The following KIAA1614 variants were observed in gnomAD, a reference collection of about 807,000 sequenced individuals.
KIAA1614 encodes the protein uncharacterized protein KIAA1614.
In KIAA1614, 76 loss-of-function variants were observed where a neutral mutation model predicts 88.7. That is an observed-to-expected ratio of 0.86 (90% confidence interval 0.71 to 1.04). The LOEUF is 1.04. Among genes scored for constraint, KIAA1614 ranks in the 50% least tolerant of loss-of-function variants. The probability of loss-of-function intolerance (pLI) is 0.00; values close to 1 mark genes in which losing one functional copy is unlikely to be tolerated. For missense variants in KIAA1614, 1,553 were observed against 1,582.5 expected (o/e 0.98, Z 0.32); for synonymous variants, 714 against 675.5 (o/e 1.06, Z -0.88).
chr1:180,920,717 T>TA (rs1229216806), intron 3 of KIAA1614, among the ~76,000 whole-genome samples: 1 of 49,486 alleles, frequency 2.0e-5, no homozygotes, highest in Non-Finnish European at 4.1e-5. Flanking sequence ...GGGGGCGGGC[T>TA]GGGGGCGGGC....
chr1:180,950,471 C>T lies in KIAA1614; in HGVS notation c.*4883C>T. ...GCTGGGCTTGGCTCACATTAAGGAG[C>T]TCCTGGCCCACTCAGAGAGCTTGTC... is the stretch of plus-strand genomic sequence containing the variant. On this transcript the variant is annotated 3_prime_UTR_variant, in exon 9 of 9. Transcript: ENST00000367588. 8.6e-7 allele frequency: 1 copy of T among 1,157,426 alleles called. No homozygotes were observed. The highest frequency in any genetic ancestry group is 1.1e-6 in the Non-Finnish European group (1 of 922,202). 71.7% of individuals were successfully genotyped at this position (1,157,426 alleles called of 1,614,324 possible). A position where few individuals can be genotyped will look rare whatever the true frequency, so the allele number is the denominator to read the frequency against.
Position 180,916,938 on chromosome 1 carries a change from G to A in KIAA1614, c.835G>A (p.Gly279Arg). The change falls in exon 2 of 9, where the codon GGA becomes AGA. Residue 279 changes from glycine (G) to arginine (R), a missense_variant. Transcript: ENST00000367588. ...CCTGCTGGGTGAGCGCTGGAGAGCT[G>A]GAGACCTGGAGGCTCTGGGCGCTGG... ...TALLGERWRA[G>R]DLEALGAGSS... 1 of 1,614,238 alleles carries A rather than the reference G, an allele frequency of 6.2e-7. No individual in the cohort carries two copies. The highest frequency in any genetic ancestry group is 8.5e-7 in the Non-Finnish European group (1 of 1,180,052).
Position 180,948,121 on chromosome 1 carries a change from C to G in KIAA1614, c.*2533C>G, listed in dbSNP as rs1654637565. On this transcript the variant is annotated 3_prime_UTR_variant, in exon 9 of 9. Transcript: ENST00000367588. ...GCCAGCTCCCCGTTGTGCCCAGGCACTCCCTGGTCCTGCTGCCATCATGGG... is the reference window on the plus strand; with the variant it reads ...GCCAGCTCCCCGTTGTGCCCAGGCAGTCCCTGGTCCTGCTGCCATCATGGG... 6.6e-6 allele frequency: 1 copy of G among 152,282 alleles called. No homozygotes were observed. Among genetic ancestry groups the G allele is most frequent in the Non-Finnish European group, 1.5e-5 (1 of 68,066 alleles). 9.4% of individuals were successfully genotyped at this position (152,282 alleles called of 1,614,324 possible). A position where few individuals can be genotyped will look rare whatever the true frequency, so the allele number is the denominator to read the frequency against.
In KIAA1614 at chr1:180,936,484, C is replaced by A. The variant is rs566867012; in HGVS notation, c.2575C>A (p.Pro859Thr). 6.2e-7 allele frequency: 1 copy of A among 1,613,786 alleles called. No homozygotes were observed. The highest frequency in any genetic ancestry group is 1.7e-5 in the Admixed American group (1 of 59,974). Residue 859 changes from proline to threonine, a missense_variant, in exon 5 of 9, where the codon CCA becomes ACA. Pro to Thr is a conservative substitution (Grantham distance 38, BLOSUM62 -1). Transcript: ENST00000367588. ...GGTTCTCAGGACCTGTGAGCTGCCCCCATCACAGACCCAGCCCAGCCGCCC... is the reference window on the plus strand; with the variant it reads ...GGTTCTCAGGACCTGTGAGCTGCCCACATCACAGACCCAGCCCAGCCGCCC... ...SAVLRTCELP[P>T]SQTQPSRPQV... is the part of the protein sequence containing the mutation.
chr1:180,928,181 G>A (rs903215365), intron 3 of KIAA1614: 9 of 411,704 alleles, frequency 2.2e-5, no homozygotes, highest in African/African-American at 1.6e-4. Context: ...CAGTGCCTGA[G>A]CAGATGTCCA....
chr1:180,916,134 C>G lies in KIAA1614; in HGVS notation c.51-20C>G, dbSNP rs1195704269. Reference sequence around the variant, plus strand: ...AGTCCTGTGCTGGGTCTTAGGAACTCTGTCTGTTTTCTCCTCCAGAGGGCC... The same window carrying G: ...AGTCCTGTGCTGGGTCTTAGGAACTGTGTCTGTTTTCTCCTCCAGAGGGCC... On this transcript the variant is annotated intron_variant, in intron 1 of 8. Transcript: ENST00000367588. 1.3e-6 allele frequency: 2 copies of G among 1,525,956 alleles called. No individual in the cohort carries two copies. Among genetic ancestry groups the G allele is most frequent in the Non-Finnish European group, 1.8e-6 (2 of 1,137,668 alleles). 94.5% of individuals were successfully genotyped at this position (1,525,956 alleles called of 1,614,324 possible).
chr1:180,941,287 T>G lies in KIAA1614; in HGVS notation c.3159+2T>G. Reference sequence around the variant, plus strand: ...CCATCGTTACAATCCCTGCACCCGGTGAGTCCAGGGGCCCCAGCCCAGGGA... The same window carrying G: ...CCATCGTTACAATCCCTGCACCCGGGGAGTCCAGGGGCCCCAGCCCAGGGA... On this transcript the variant is annotated splice_donor_variant, in intron 7 of 8. Coordinates refer to ENST00000367588, the MANE Select transcript of KIAA1614 (RefSeq NM_020950.2). LOFTEE classifies it high-confidence loss of function. The G allele has an allele frequency of 6.2e-7, 1 of 1,605,026 alleles. No homozygotes were observed. The highest frequency in any genetic ancestry group is 8.5e-7 in the Non-Finnish European group (1 of 1,173,592).
At chr1:180,938,532 G>T in intron 5 of KIAA1614, 23 bp from the exon 6 acceptor site, 1 of 1,612,238 alleles carries the variant, frequency 6.2e-7, no homozygotes, top group Non-Finnish European at 8.5e-7. Flanking sequence ...TCTGACTCAG[G>T]TGGGATGCTG....
Position 180,950,196 on chromosome 1 carries a change from T to C in KIAA1614, c.*4608T>C. ...TGGAATAATGAGGGGTGTGTGTATGTGTGCATGCGCACAGAGAAGTGCCTG... is the reference window on the plus strand; with the variant it reads ...TGGAATAATGAGGGGTGTGTGTATGCGTGCATGCGCACAGAGAAGTGCCTG... On this transcript the variant is annotated 3_prime_UTR_variant, in exon 9 of 9. Transcript: ENST00000367588. 1 of 316,202 alleles carries C rather than the reference T, an allele frequency of 3.2e-6. No individual in the cohort carries two copies. The highest frequency in any genetic ancestry group is 5.4e-6 in the Non-Finnish European group (1 of 184,876). 19.6% of individuals were successfully genotyped at this position (316,202 alleles called of 1,614,324 possible).
rs752934576 is a variant in KIAA1614, at chr1:180,935,715, C to T, written c.1806C>T (p.Thr602=). ...TCCGGGAAACACACATCGGAGACAC[C>T]GTGTGCCCTGCGGAGGTGGACTCTG... The part of the protein sequence containing the change: ...EWIRETHIGD[T]VCPAEVDSAL... Residue 602 remains threonine, a synonymous_variant, in exon 5 of 9, where the codon ACC becomes ACT. Coordinates refer to ENST00000367588, the MANE Select transcript of KIAA1614 (RefSeq NM_020950.2). The surrounding 1 kb of genome is among the most constrained non-coding windows in gnomAD (Gnocchi z 6.1). 3.7e-6 allele frequency: 6 copies of T among 1,613,642 alleles called. No homozygotes were observed. The Admixed American group carries it at 5.0e-5, about 13-fold the overall frequency.
chr1:180,944,151 AGTT>A (rs962043258), intron 7 of KIAA1614: 2 of 334,356 alleles, frequency 6.0e-6, no homozygotes, highest in Admixed American at 4.3e-5. Flanking sequence ...ATAGCACTAA[AGTT>A]GTTATTTCAG....
Position 180,936,136 on chromosome 1 carries a change from T to G in KIAA1614, c.2227T>G (p.Cys743Gly), listed in dbSNP as rs1305996144. The stretch of plus-strand genomic sequence containing the variant: ...TCACCCTTTGGATTCCCGGACTCCA[T>G]GCAGGACAGCCTATGCCACCACCGC... ...QPHPLDSRTP[C>G]RTAYATTAPM... The change falls in exon 5 of 9, where the codon TGC becomes GGC. Residue 743 changes from cysteine (C) to glycine (G), a missense_variant. Coordinates refer to ENST00000367588, the MANE Select transcript of KIAA1614 (RefSeq NM_020950.2). 2.5e-6 allele frequency: 4 copies of G among 1,614,120 alleles called. No homozygotes were observed. Among genetic ancestry groups the G allele is most frequent in the Non-Finnish European group, 3.4e-6 (4 of 1,179,996 alleles).
Position 180,935,428 on chromosome 1 carries a change from G to A in KIAA1614, c.1519G>A (p.Ala507Thr). Residue 507 changes from alanine (A) to threonine (T), a missense_variant, in exon 5 of 9, where the codon GCG (alanine) becomes ACG (threonine). Coordinates refer to ENST00000367588, the MANE Select transcript of KIAA1614 (RefSeq NM_020950.2). The surrounding 1 kb of genome is among the most constrained non-coding windows in gnomAD (Gnocchi z 6.1). ...YINGAPRLRD[A>T]GQGTFHRLVG... ...CAACGGGGCTCCCCGGCTCCGGGAC[G>A]CGGGGCAGGGGACATTCCACAGGCT... 6.8e-7 allele frequency: 1 copy of A among 1,471,340 alleles called. No homozygotes were observed. Among genetic ancestry groups the A allele is most frequent in the Non-Finnish European group, 8.9e-7 (1 of 1,117,796 alleles). 91.1% of individuals were successfully genotyped at this position (1,471,340 alleles called of 1,614,324 possible). A position where few individuals can be genotyped will look rare whatever the true frequency, so the allele number is the denominator to read the frequency against.
chr1:180,926,962 A>G (rs1483374550), intron 3 of KIAA1614, among the ~76,000 whole-genome samples: 2 of 152,360 alleles, frequency 1.3e-5, no homozygotes, highest in Non-Finnish European at 2.9e-5. Context: ...TCACAGGCAC[A>G]GATGGTGCCT....
intron 6 of KIAA1614, 23 bp from the exon 7 acceptor site, chr1:180,941,022 T>A: frequency 7.0e-5 from 9 of 128,450 alleles, no homozygotes; most frequent in East Asian, 2.1e-4. Context: ...CCCCGCCCCC[T>A]CACCTCCACC....
At chr1:180,941,000 C>CAA in intron 6 of KIAA1614, 45 bp from the exon 7 acceptor site, 1 of 1,010,158 alleles carries the variant, frequency 9.9e-7, no homozygotes, top group Non-Finnish European at 1.4e-6. Context: ...CCTGGCCACC[C>CAA]TCCCGGCCCT....
chr1:180,916,165 C>T lies in KIAA1614; in HGVS notation c.62C>T (p.Thr21Ile). 1 of 1,563,038 alleles carries T rather than the reference C, an allele frequency of 6.4e-7. No homozygotes were observed. The part of the protein sequence containing the change: ...PAGGSPQGPK[T>I]GSGTASPVEG... ...GTTTTCTCCTCCAGAGGGCCCAAGA[C>T]AGGGAGTGGAACAGCCAGCCCCGTG... Residue 21 changes from threonine to isoleucine, a missense_variant, in exon 2 of 9, where the codon ACA becomes ATA. Thr to Ile is a moderately conservative substitution (Grantham distance 89). Coordinates refer to ENST00000367588, the MANE Select transcript of KIAA1614 (RefSeq NM_020950.2).
Position 180,917,089 on chromosome 1 carries a change from C to G in KIAA1614, c.986C>G (p.Thr329Arg), listed in dbSNP as rs1192640542. 1 of 1,612,074 alleles carries G rather than the reference C, an allele frequency of 6.2e-7. No homozygotes were observed. Among genetic ancestry groups the G allele is most frequent in the Non-Finnish European group, 8.5e-7 (1 of 1,179,232 alleles). The change falls in exon 2 of 9, where the codon ACA (threonine) becomes AGA (arginine). Residue 329 changes from threonine (T) to arginine (R), a missense_variant. Thr to Arg is a moderately conservative substitution (Grantham distance 71, BLOSUM62 -1). Transcript: ENST00000367588. ...GTPAWTPSWD[T>R]AAPERPVGDV... The stretch of plus-strand genomic sequence containing the variant: ...CCTGCCTGGACTCCATCCTGGGACA[C>G]AGCTGCACCAGGTGAAGCTCACTGT...
At chr1:180,914,831 C>T (rs899878316) in intron 1 of KIAA1614, among the ~76,000 whole-genome samples, 9 of 152,250 alleles carry the variant, frequency 5.9e-5, no homozygotes, top group East Asian at 1.9e-4. Flanking sequence ...CTCTGCCTCC[C>T]GAGTTCAAGC....
Sources: gnomAD v4.1 joint callset for allele counts (sites outside exome capture counted in the v4.1 genomes callset) on GRCh38, gnomAD v4.1.1 for gene constraint, Gnocchi (gnomAD v3.1) non-coding constraint, MANE v1.5 for transcripts, NCBI Gene and HGNC (gene_info 2026-07-23, HGNC 2026-07-21) for gene names.